The following NR6A1 variants were observed in gnomAD, a reference collection of about 807,000 sequenced individuals.
NR6A1 encodes retinoic acid receptor-related testis-associated receptor.
In NR6A1, 7 loss-of-function variants were observed where a neutral mutation model predicts 59.1. The observed-to-expected ratio is 0.12, with a 90% CI of 0.07 to 0.22. The LOEUF (loss-of-function observed/expected upper bound fraction) is 0.22. NR6A1 is among the 10% of genes least tolerant of loss of function. NR6A1 has a pLI of 1.00. For synonymous variants in NR6A1, 243 were observed against 236.1 expected, an observed-to-expected ratio of 1.03 and a Z score of -0.27; for missense variants, 468 against 611.6, an observed-to-expected ratio of 0.77 and a Z score of 2.48.
At chr9:124,767,538 T>A (rs1400509549) in intron 1 of NR6A1, among the ~76,000 whole-genome samples, 5 of 149,690 alleles carry the variant, frequency 3.3e-5, no homozygotes, top group Admixed American at 3.3e-4. Context: ...AAGAAAAACC[T>A]GCGTGCTGTA....
At chr9:124,674,403 C>CA (rs540745829) in intron 2 of NR6A1, among the ~76,000 whole-genome samples, 285 of 152,276 alleles carry the variant, frequency 1.9e-3, no homozygotes, top group African/African-American at 6.2e-3. Context: ...CCTGGCTCTG[C>CA]CACTTAATAC....
intron 1 of NR6A1, among the ~76,000 whole-genome samples, chr9:124,734,092 C>T (rs886880755): frequency 2.0e-5 from 3 of 152,208 alleles, no homozygotes; most frequent in African/African-American, 7.2e-5. Context: ...ATACTTTCTT[C>T]TGTTTGCTTT....
chr9:124,698,654 A>C (rs1257917850), intron 2 of NR6A1: 3 of 152,312 alleles, frequency 2.0e-5, no homozygotes, highest in Middle Eastern at 3.4e-3. Context: ...TTTTTTTATC[A>C]AACGAATTTT....
intron 2 of NR6A1, among the ~76,000 whole-genome samples, chr9:124,565,181 C>A (rs1169312713): frequency 6.6e-6 from 1 of 152,112 alleles, no homozygotes; most frequent in Non-Finnish European, 1.5e-5. Flanking sequence ...GTAATCCCAG[C>A]ACTTTGGGAG....
chr9:124,686,086 A>G (rs1319639575), intron 2 of NR6A1, among the ~76,000 whole-genome samples: 1 of 152,226 alleles, frequency 6.6e-6, no homozygotes, highest in Non-Finnish European at 1.5e-5. Flanking sequence ...CTACTTACCA[A>G]TAACTTACAA....
intron 2 of NR6A1, among the ~76,000 whole-genome samples, chr9:124,610,934 C>T (rs368957792): frequency 1.3e-3 from 204 of 152,206 alleles, no homozygotes; most frequent in African/African-American, 4.1e-3. Flanking sequence ...CCAAGCTGAG[C>T]GGAGAGGTGC....
intron 2 of NR6A1, among the ~76,000 whole-genome samples, chr9:124,573,160 C>T (rs1266008866): frequency 6.6e-6 from 1 of 152,158 alleles, no homozygotes; most frequent in Non-Finnish European, 1.5e-5. Context: ...ATCTCTGAAT[C>T]CCCCCTGGGT....
At chr9:124,581,338 T>C (rs911274539) in intron 2 of NR6A1, among the ~76,000 whole-genome samples, 4 of 152,146 alleles carry the variant, frequency 2.6e-5, no homozygotes, top group Non-Finnish European at 5.9e-5. Context: ...CTCACGCTTG[T>C]AATCCCAGCA....
At chr9:124,714,808 A>T (rs1056857337) in intron 2 of NR6A1, among the ~76,000 whole-genome samples, 1 of 152,180 alleles carries the variant, frequency 6.6e-6, no homozygotes, top group Non-Finnish European at 1.5e-5. Flanking sequence ...AAGGATAAAG[A>T]TGTATAAGAT....
At chr9:124,669,270 A>C (rs1837717482) in intron 2 of NR6A1, among the ~76,000 whole-genome samples, 1 of 152,256 alleles carries the variant, frequency 6.6e-6, no homozygotes, top group South Asian at 2.1e-4. Flanking sequence ...AATTTTTGTC[A>C]GCAAACAGTA....
chr9:124,578,626 C>A (rs2131451857), intron 2 of NR6A1, among the ~76,000 whole-genome samples: 1 of 152,292 alleles, frequency 6.6e-6, no homozygotes, highest in Non-Finnish European at 1.5e-5. Context: ...ATTTCATGAC[C>A]ATTTAGTCTA....
intron 1 of NR6A1, among the ~76,000 whole-genome samples, chr9:124,763,123 G>C (rs1453310184): frequency 6.6e-6 from 1 of 152,206 alleles, no homozygotes; most frequent in Non-Finnish European, 1.5e-5. Context: ...AACCATTTTA[G>C]TTTGCACCAG....
intron 2 of NR6A1, among the ~76,000 whole-genome samples, chr9:124,722,483 G>A (rs1056033573): frequency 6.6e-6 from 1 of 152,170 alleles, no homozygotes; most frequent in African/African-American, 2.4e-5. Context: ...GGGTACGCTA[G>A]CTGAGATGTA....
intron 2 of NR6A1, among the ~76,000 whole-genome samples, chr9:124,636,249 A>T (rs1443311456): frequency 6.6e-6 from 1 of 152,234 alleles, no homozygotes; most frequent in Admixed American, 6.5e-5. Flanking sequence ...ATTTTTAAGT[A>T]ACAGTCCTCC....
intron 7 of NR6A1, among the ~76,000 whole-genome samples, chr9:124,527,654 T>C (rs924412786): frequency 4.6e-5 from 7 of 152,018 alleles, no homozygotes; most frequent in Admixed American, 3.9e-4. Context: ...GGTGACAGAG[T>C]AGGAATTTGG....
intron 4 of NR6A1, 22 bp downstream of exon 4, chr9:124,543,778 CAG>C: frequency 6.2e-7 from 1 of 1,603,730 alleles, no homozygotes; most frequent in African/African-American, 1.3e-5. Context: ...GGACGGACCA[CAG>C]AGACTGAGGT....
At chr9:124,698,280 A>T (rs1024284409) in intron 2 of NR6A1, 10 of 151,106 alleles carry the variant, frequency 6.6e-5, no homozygotes, top group Non-Finnish European at 1.3e-4. Context: ...ATCATGTATT[A>T]AAAAAAAAGA....
chr9:124,539,725 A>G (rs1833385420), intron 5 of NR6A1, among the ~76,000 whole-genome samples: 2 of 152,256 alleles, frequency 1.3e-5, no homozygotes, highest in Admixed American at 1.3e-4. Context: ...TCAGTGATAA[A>G]ATAAATGAGG....
At chr9:124,721,638 A>G (rs1369794683) in intron 2 of NR6A1, among the ~76,000 whole-genome samples, 1 of 152,116 alleles carries the variant, frequency 6.6e-6, no homozygotes, top group African/African-American at 2.4e-5. Flanking sequence ...ACAGAAGACA[A>G]CTCGGGAACC....
Sources: allele counts gnomAD v4.1 joint callset (sites outside exome capture counted in the v4.1 genomes callset), GRCh38; gene constraint gnomAD v4.1.1; transcripts MANE v1.5; gene names NCBI Gene and HGNC (gene_info 2026-07-23, HGNC 2026-07-21).